The following LAMC1 variants were observed in gnomAD, a reference collection of about 807,000 sequenced individuals.
LAMC1 encodes the protein laminin subunit gamma-1.
LAMC1 carries 38 observed loss-of-function variants against 173.6 expected under a neutral mutation model. The ratio of observed to expected loss-of-function variants is 0.22; its 90% confidence interval spans 0.17 to 0.29. The LOEUF is 0.29. LAMC1 is among the 10% of genes least tolerant of loss of function. The probability of loss-of-function intolerance (pLI) is 1.00; values close to 1 mark genes in which losing one functional copy is unlikely to be tolerated. For missense variants in LAMC1, 1,824 were observed against 2,051.8 expected, an observed-to-expected ratio of 0.89 and a Z score of 2.14; for synonymous variants, 746 against 749.1, an observed-to-expected ratio of 1.00 and a Z score of 0.07.
Position 183,121,704 on chromosome 1 carries a change from T to G in LAMC1, c.1991-19T>G. The stretch of plus-strand genomic sequence containing the variant: ...AAAACAAGCCAGTTCAGTGATTTTC[T>G]TTTCCTCACTATACACAGGTGCTGG... On this transcript the variant is annotated intron_variant, in intron 11 of 27. Transcript: ENST00000258341. The G allele has an allele frequency of 1.3e-6, 2 of 1,594,800 alleles. No homozygotes were observed. Among genetic ancestry groups the G allele is most frequent in the South Asian group, 2.3e-5 (2 of 88,870 alleles).
chr1:183,115,489 T>G (rs963404308), intron 5 of LAMC1, 31 bp from the exon 6 acceptor site: 11 of 1,483,386 alleles, frequency 7.4e-6, no homozygotes, highest in Non-Finnish European at 1.0e-5. Flanking sequence ...TGGCCGAATT[T>G]TTGTTTGACA....
At position 183,063,925 on chromosome 1, in the gene LAMC1, G is replaced by T. The variant is rs116879330; in HGVS notation, c.419-39403G>T. ...ATTGCCTTTGGATAATGTTTACCTCGCACGTAGTTCATTCTGTGTTATGAT... is the reference window on the plus strand; with the variant it reads ...ATTGCCTTTGGATAATGTTTACCTCTCACGTAGTTCATTCTGTGTTATGAT... On this transcript the variant is annotated intron_variant, in intron 1 of 27. Coordinates refer to ENST00000258341, the MANE Select transcript of LAMC1 (RefSeq NM_002293.4). Among the ~76,000 whole-genome samples the T allele has an allele frequency of 8.5e-5, 13 of 152,066 alleles. No individual in the cohort carries two copies. In the East Asian group the frequency reaches 2.5e-3, roughly 29 times the overall value.
intron 1 of LAMC1, among the ~76,000 whole-genome samples, chr1:183,064,329 C>T (rs944852936): frequency 5.9e-5 from 9 of 152,098 alleles, no homozygotes; most frequent in Non-Finnish European, 7.4e-5. Flanking sequence ...CTAGGCCATA[C>T]GGGATGGCCT....
chr1:183,121,882 C>G lies in LAMC1; in HGVS notation c.2150C>G (p.Pro717Arg). The G allele has an allele frequency of 6.2e-7, 1 of 1,614,146 alleles. No individual in the cohort carries two copies. The highest frequency in any genetic ancestry group is 8.5e-7 in the Non-Finnish European group (1 of 1,180,024). ...AGAAGAGAAACTCCTAATCTTGGAC[C>G]ATACAGTCCATGTGTGCTTTGCGCC... is the stretch of plus-strand genomic sequence containing the variant. ...GYRRETPNLGPYSPCVLCACN... is the reference protein window; with the variant it reads ...GYRRETPNLGRYSPCVLCACN... Residue 717 changes from proline to arginine, a missense_variant, in exon 12 of 28, where the codon CCA becomes CGA. Coordinates refer to ENST00000258341, the MANE Select transcript of LAMC1 (RefSeq NM_002293.4).
intron 25 of LAMC1, among the ~76,000 whole-genome samples, chr1:183,137,090 A>G (rs1330002380): frequency 6.6e-6 from 1 of 152,176 alleles, no homozygotes; most frequent in African/African-American, 2.4e-5. Context: ...CTCTTATTTC[A>G]AGGTCAATCT....
At chr1:183,119,064 T>G (rs1474990295) in intron 11 of LAMC1, among the ~76,000 whole-genome samples, 13 of 151,968 alleles carry the variant, frequency 8.6e-5, no homozygotes, top group Non-Finnish European at 1.8e-4. Flanking sequence ...ACCCAGCTAA[T>G]TTTTGTATTT....
intron 1 of LAMC1, among the ~76,000 whole-genome samples, chr1:183,048,269 C>T (rs1274818496): frequency 6.6e-6 from 1 of 152,190 alleles, no homozygotes; most frequent in Non-Finnish European, 1.5e-5. Flanking sequence ...TACAAGGAAA[C>T]ATGCTGATAA....
chr1:183,117,351 T>C lies in LAMC1; in HGVS notation c.1596T>C (p.Asp532=). The change falls in exon 9 of 28, where the codon GAT becomes GAC. Residue 532 remains aspartate (D), a synonymous_variant. Coordinates refer to ENST00000258341, the MANE Select transcript of LAMC1 (RefSeq NM_002293.4). The part of the protein sequence containing the change: ...DEDGWRAEQR[D]GSEASLEWSS... ...ATGGGTGGCGTGCGGAACAGAGAGA[T>C]GGCTCTGAAGCATCTCTCGAGTGGT... 6.2e-7 allele frequency: 1 copy of C among 1,611,920 alleles called. No homozygotes were observed. Among genetic ancestry groups the C allele is most frequent in the Non-Finnish European group, 8.5e-7 (1 of 1,178,104 alleles).
chr1:183,115,908 A>C (rs563141189), intron 6 of LAMC1, among the ~76,000 whole-genome samples: 2 of 152,310 alleles, frequency 1.3e-5, no homozygotes, highest in South Asian at 4.1e-4. Context: ...TGGGAGGCCA[A>C]GGTGGCTGGA....
intron 1 of LAMC1, among the ~76,000 whole-genome samples, chr1:183,034,305 C>G (rs1400712921): frequency 6.6e-6 from 1 of 152,124 alleles, no homozygotes; most frequent in Non-Finnish European, 1.5e-5. Flanking sequence ...GAGTCTCACT[C>G]TGTTGCCCAG....
intron 1 of LAMC1, among the ~76,000 whole-genome samples, chr1:183,079,421 A>AT (rs2102048641): frequency 6.6e-6 from 1 of 151,302 alleles, no homozygotes; most frequent in South Asian, 2.1e-4. Flanking sequence ...CACCCAGCTA[A>AT]TTTTTGTATT....
chr1:183,089,551 ACT>A (rs1249322739), intron 1 of LAMC1, among the ~76,000 whole-genome samples: 3 of 152,188 alleles, frequency 2.0e-5, no homozygotes, highest in African/African-American at 7.2e-5. Context: ...TATCTGCCAA[ACT>A]CTTTACTACT....
chr1:183,102,536 C>T (rs1476697648), intron 1 of LAMC1, among the ~76,000 whole-genome samples: 2 of 152,216 alleles, frequency 1.3e-5, no homozygotes, highest in African/African-American at 4.8e-5. Flanking sequence ...TGTGAAGACA[C>T]ACTGGCTGGC....
Position 183,024,146 on chromosome 1 carries a change from C to T in LAMC1, c.418+12C>T, listed in dbSNP as rs376598137. ...CACGCTGCACCTGGGTAAGCGGTGACAGCCCCGTCCCCTGCTACTGCTCGC... is the reference window on the plus strand; with the variant it reads ...CACGCTGCACCTGGGTAAGCGGTGATAGCCCCGTCCCCTGCTACTGCTCGC... On this transcript the variant is annotated intron_variant, in intron 1 of 27. Coordinates refer to ENST00000258341, the MANE Select transcript of LAMC1 (RefSeq NM_002293.4). 11 of 1,541,304 alleles carry T rather than the reference C, an allele frequency of 7.1e-6. No homozygotes were observed. Among genetic ancestry groups the T allele is most frequent in the Non-Finnish European group, 9.6e-6 (11 of 1,140,498 alleles).
intron 1 of LAMC1, among the ~76,000 whole-genome samples, chr1:183,074,175 T>C (rs1188678017): frequency 6.6e-6 from 1 of 152,244 alleles, no homozygotes; most frequent in Non-Finnish European, 1.5e-5. Flanking sequence ...TATGTATCTT[T>C]TACAGACTGA....
Position 183,023,986 on chromosome 1 carries a change from C to A in LAMC1, c.270C>A (p.His90Gln). Residue 90 changes from histidine to glutamine, a missense_variant, in exon 1 of 28, where the codon CAC (histidine) becomes CAA (glutamine). By Grantham distance (24) the His-to-Gln change is conservative. Coordinates refer to ENST00000258341, the MANE Select transcript of LAMC1 (RefSeq NM_002293.4). The part of the protein sequence containing the change: ...TGVTGVTKSC[H>Q]LCDAGQPHLQ... Reference sequence around the variant, plus strand: ...TGACCGGGGTCACCAAGTCCTGTCACCTGTGCGACGCCGGGCAGCCCCACC... The same window carrying A: ...TGACCGGGGTCACCAAGTCCTGTCAACTGTGCGACGCCGGGCAGCCCCACC... 6.2e-7 allele frequency: 1 copy of A among 1,613,240 alleles called. No individual in the cohort carries two copies. Among genetic ancestry groups the A allele is most frequent in the Non-Finnish European group, 8.5e-7 (1 of 1,179,968 alleles).
chr1:183,136,040 A>G (rs2102110603), intron 24 of LAMC1, among the ~76,000 whole-genome samples: 1 of 152,316 alleles, frequency 6.6e-6, no homozygotes, highest in East Asian at 1.9e-4. Flanking sequence ...TTTTATGTCA[A>G]AGACACAAAG....
chr1:183,036,396 C>CTTTTTTTT (rs768370901), intron 1 of LAMC1, among the ~76,000 whole-genome samples: 2 of 96,592 alleles, frequency 2.1e-5, no homozygotes, highest in African/African-American at 7.9e-5. Context: ...CCACGCCAGT[C>CTTTTTTTT]TTTTTTTTTT....
chr1:183,042,768 T>A (rs1654170734), intron 1 of LAMC1, among the ~76,000 whole-genome samples: 1 of 152,180 alleles, frequency 6.6e-6, no homozygotes, highest in African/African-American at 2.4e-5. Context: ...TTTACAGAAT[T>A]GGTTTATTCT....
Sources: allele counts gnomAD v4.1 joint callset (sites outside exome capture counted in the v4.1 genomes callset), GRCh38; gene constraint gnomAD v4.1.1; transcripts MANE v1.5; gene names NCBI Gene and HGNC (gene_info 2026-07-23, HGNC 2026-07-21).